The following SMG7 variants were observed in gnomAD, a reference collection of about 807,000 sequenced individuals.
SMG7 encodes the protein SMG7 nonsense mediated mRNA decay factor.
SMG7 carries 34 observed loss-of-function variants against 148.2 expected under a neutral mutation model. The ratio of observed to expected loss-of-function variants is 0.23; its 90% confidence interval spans 0.17 to 0.31. SMG7 has a LOEUF of 0.31. Ranked by LOEUF, SMG7 falls within the 10% of genes least tolerant of loss-of-function variation. The pLI, the probability that SMG7 is intolerant of heterozygous loss-of-function variation, is 1.00. For synonymous variants in SMG7, 492 were observed against 515.1 expected (o/e 0.96, Z 0.61); for missense variants, 1,114 against 1,408.4 (o/e 0.79, Z 3.35).
At chr1:183,477,643 T>G in intron 1 of SMG7, among the ~76,000 whole-genome samples, 1 of 135,498 alleles carries the variant, frequency 7.4e-6, no homozygotes, top group African/African-American at 2.8e-5. Flanking sequence ...TATATGCATA[T>G]ATACGTGTGT....
At chr1:183,520,705 C>T (rs1014810599) in intron 4 of SMG7, among the ~76,000 whole-genome samples, 4 of 151,976 alleles carry the variant, frequency 2.6e-5, no homozygotes, top group Non-Finnish European at 5.9e-5. Context: ...AATCTTTTTT[C>T]GTTACATGAC....
chr1:183,500,517 A>G (rs1295594097), intron 1 of SMG7, among the ~76,000 whole-genome samples: 1 of 152,210 alleles, frequency 6.6e-6, no homozygotes, highest in Non-Finnish European at 1.5e-5. Flanking sequence ...TATTTGAGCA[A>G]CTTGTATGCT....
At chr1:183,526,150 A>G (rs1571995149) in intron 4 of SMG7, among the ~76,000 whole-genome samples, 1 of 21,586 alleles carries the variant, frequency 4.6e-5, no homozygotes, top group Non-Finnish European at 7.7e-5. Flanking sequence ...ATATATATAT[A>G]TATATATTTT....
At chr1:183,547,805 C>T (rs1247318674) in intron 18 of SMG7, among the ~76,000 whole-genome samples, 1 of 152,036 alleles carries the variant, frequency 6.6e-6, no homozygotes, top group Admixed American at 6.6e-5. Flanking sequence ...TATTTATAAA[C>T]ATTGTCAGAG....
chr1:183,526,870 T>G (rs1461164285), intron 5 of SMG7, 103 bp downstream of exon 5: 2 of 893,514 alleles, frequency 2.2e-6, no homozygotes, highest in Admixed American at 2.9e-5. Flanking sequence ...CACACACAAT[T>G]TAGATTGTCA....
intron 1 of SMG7, among the ~76,000 whole-genome samples, chr1:183,507,068 G>T (rs375412620): frequency 6.6e-6 from 1 of 151,802 alleles, no homozygotes; most frequent in East Asian, 1.9e-4. Context: ...TAGTAGAGAC[G>T]AGGCTTCGCT....
intron 1 of SMG7, among the ~76,000 whole-genome samples, chr1:183,488,325 G>C (rs1016034893): frequency 6.6e-6 from 1 of 151,990 alleles, no homozygotes; most frequent in Admixed American, 6.6e-5. Context: ...GCCACATATG[G>C]CTATTTAAAT....
At chr1:183,531,231 T>G (rs2102621479) in intron 8 of SMG7, among the ~76,000 whole-genome samples, 1 of 152,270 alleles carries the variant, frequency 6.6e-6, no homozygotes, top group South Asian at 2.1e-4. Flanking sequence ...TCTAACAACC[T>G]TTAGCTACTA....
At chr1:183,506,732 T>C (rs1333466022) in intron 1 of SMG7, among the ~76,000 whole-genome samples, 2 of 151,782 alleles carry the variant, frequency 1.3e-5, no homozygotes, top group African/African-American at 4.8e-5. Flanking sequence ...CCTTAGCAGC[T>C]GTGAGTTTAG....
At chr1:183,510,939 C>T (rs992457852) in intron 1 of SMG7, among the ~76,000 whole-genome samples, 3 of 151,326 alleles carry the variant, frequency 2.0e-5, no homozygotes, top group South Asian at 2.1e-4. Flanking sequence ...TGCAGTGAGC[C>T]GAGATCGTGC....
At position 183,552,819 on chromosome 1, in the gene SMG7, G is replaced by T. The variant is rs1028780661; in HGVS notation, c.*888G>T. 1.5e-5 allele frequency: 21 copies of T among 1,430,480 alleles called. 1 individual carries two copies. The highest frequency in any genetic ancestry group is 2.6e-4 in the Middle Eastern group (1 of 3,886). 88.6% of individuals were successfully genotyped at this position (1,430,480 alleles called of 1,614,324 possible). On this transcript the variant is annotated 3_prime_UTR_variant, in exon 23 of 23. Coordinates refer to ENST00000688051, the MANE Select transcript of SMG7 (RefSeq NM_001375584.1). Reference sequence around the variant, plus strand: ...TTCACAGCCTGACACGTTCTAATAGGTAGAAGCTTTCAGTGTGGTTATTTT... The same window carrying T: ...TTCACAGCCTGACACGTTCTAATAGTTAGAAGCTTTCAGTGTGGTTATTTT...
intron 1 of SMG7, among the ~76,000 whole-genome samples, chr1:183,481,775 A>G (rs139782528): frequency 2.0e-5 from 3 of 152,270 alleles, no homozygotes; most frequent in African/African-American, 7.2e-5. Context: ...TTTCCTGCAT[A>G]GGAGGTTTAG....
intron 2 of SMG7, chr1:183,513,075 A>G (rs1662556539): frequency 5.9e-6 from 3 of 512,670 alleles, no homozygotes; most frequent in Non-Finnish European, 3.4e-6. Flanking sequence ...TAATACTAAT[A>G]TATGGTATAC....
rs181295957 is a variant in SMG7 at position 183,488,949 on chromosome 1, G to T, written c.29+16300G>T. 1.9e-3 allele frequency among the ~76,000 whole-genome samples: 282 copies of T among 152,202 alleles called. 1 individual carries two copies. Among genetic ancestry groups the T allele is most frequent in the Non-Finnish European group, 3.1e-3 (211 of 67,996 alleles). On this transcript the variant is annotated intron_variant, in intron 1 of 22. Coordinates refer to ENST00000688051, the MANE Select transcript of SMG7 (RefSeq NM_001375584.1). Reference sequence around the variant, plus strand: ...TCCACCCGCCTTGGCCTCCCAAAGTGCTGGGATTACAGGCTTGAGCCACCA... The same window carrying T: ...TCCACCCGCCTTGGCCTCCCAAAGTTCTGGGATTACAGGCTTGAGCCACCA...
In SMG7 at chr1:183,533,686, T is replaced by G. The variant is rs1401331312; in HGVS notation, c.1017T>G (p.Leu339=). The G allele has an allele frequency of 6.3e-7, 1 of 1,599,742 alleles. No homozygotes were observed. The highest frequency in any genetic ancestry group is 8.5e-7 in the Non-Finnish European group (1 of 1,174,768). The change falls in exon 10 of 23, where the codon CTT becomes CTG. Residue 339 remains leucine (L), a synonymous_variant. Transcript: ENST00000688051. ...TQLLALFMSF[L]GILCKCPLQN... ...CATTTTTTTTTCAAGTGTCTTTTCT[T>G]GGCATCCTGTGCAAGTGTCCTCTAC...
In SMG7 at chr1:183,538,460, C is replaced by T; in HGVS notation, c.1295+20C>T. ...TTTCAGGTAGGTGATAGCTGAAGTA[C>T]CTTTATCATTGCCAGTGATTGCAGT... On this transcript the variant is annotated intron_variant, in intron 12 of 22. Transcript: ENST00000688051. 1.3e-6 allele frequency: 2 copies of T among 1,530,876 alleles called. No homozygotes were observed. Among genetic ancestry groups the T allele is most frequent in the Non-Finnish European group, 1.8e-6 (2 of 1,104,100 alleles). The allele number at this position is 1,530,876 out of a possible 1,614,324, so 94.8% of individuals were successfully genotyped here.
intron 1 of SMG7, among the ~76,000 whole-genome samples, chr1:183,500,595 A>G (rs921925233): frequency 1.3e-5 from 2 of 152,196 alleles, no homozygotes; most frequent in African/African-American, 4.8e-5. Context: ...AAATGTGTAC[A>G]CAAATAACTT....
At chr1:183,510,866 C>T (rs1019665328) in intron 1 of SMG7, among the ~76,000 whole-genome samples, 16 of 152,166 alleles carry the variant, frequency 1.1e-4, no homozygotes, top group African/African-American at 3.9e-4. Context: ...GTGCAGGCGC[C>T]TGTAGTCCCA....
chr1:183,511,773 A>G (rs1174333294), intron 1 of SMG7, among the ~76,000 whole-genome samples: 1 of 152,228 alleles, frequency 6.6e-6, no homozygotes, highest in East Asian at 1.9e-4. Context: ...AAACAAAGCC[A>G]AGGGATGGTT....
Sources: gnomAD v4.1 joint callset for allele counts (sites outside exome capture counted in the v4.1 genomes callset) on GRCh38, gnomAD v4.1.1 for gene constraint, MANE v1.5 for transcripts, NCBI Gene and HGNC (gene_info 2026-07-23, HGNC 2026-07-21) for gene names.